HOXC4: variants seen among roughly 807,000 people sequenced by gnomAD.
HOXC4 encodes the protein homeobox C4.
In HOXC4, 15 loss-of-function variants were observed where a neutral mutation model predicts 25.5. The ratio of observed to expected loss-of-function variants is 0.59; its 90% CI spans 0.39 to 0.91. The LOEUF (loss-of-function observed/expected upper bound fraction) is 0.91. HOXC4 is among the 40% of genes least tolerant of loss of function. The pLI is 0.00. For synonymous variants in HOXC4, 165 were observed against 148.0 expected (o/e 1.11, Z -0.83); for missense variants, 342 against 352.4 (o/e 0.97, Z 0.24).
At chr12:54,054,591 A>G (rs1385195252) in intron 1 of HOXC4, among the ~76,000 whole-genome samples, 1 of 152,042 alleles carries the variant, frequency 6.6e-6, no homozygotes, top group Non-Finnish European at 1.5e-5. Context: ...ATGTGCTACG[A>G]TCTGTTATGT....
At chr12:54,028,488 A>T (rs1940831720) in intron 1 of HOXC4, 1 of 1,592,020 alleles carries the variant, frequency 6.3e-7, no homozygotes, top group Non-Finnish European at 8.6e-7. Context: ...TAAATATTAA[A>T]GAAATCATAG....
chr12:54,034,211 G>A, intron 1 of HOXC4: 1 of 1,421,668 alleles, frequency 7.0e-7, no homozygotes. Context: ...CCTGGGCTGG[G>A]GTGGGGACGG....
chr12:54,025,608 C>T (rs556568965), intron 1 of HOXC4, among the ~76,000 whole-genome samples: 1 of 151,762 alleles, frequency 6.6e-6, no homozygotes, highest in Admixed American at 6.6e-5. Flanking sequence ...TCTGTTTCCC[C>T]TTCTCTCCCC....
intron 1 of HOXC4, among the ~76,000 whole-genome samples, chr12:54,026,536 T>C (rs1007465723): frequency 1.3e-5 from 2 of 152,254 alleles, no homozygotes; most frequent in Admixed American, 6.5e-5. Context: ...AAGTGTGATC[T>C]AGAAGGAGGA....
rs774785527 is a variant in HOXC4 at position 54,054,002 on chromosome 12, G to T, written c.80G>T (p.Ser27Ile). ...FPPCEEYSQNSYIPEHSPEYY... is the reference protein window; with the variant it reads ...FPPCEEYSQNIYIPEHSPEYY... Reference sequence around the variant, plus strand: ...CCATGCGAAGAATATTCGCAAAATAGCTACATCCCTGAACACAGTCCGGAA... The same window carrying T: ...CCATGCGAAGAATATTCGCAAAATATCTACATCCCTGAACACAGTCCGGAA... Residue 27 changes from serine (S) to isoleucine (I), a missense_variant, in exon 1 of 2, where the codon AGC (serine) becomes ATC (isoleucine). By Grantham distance (142) the Ser-to-Ile change is moderately radical. Coordinates refer to ENST00000430889, the MANE Select transcript of HOXC4 (RefSeq NM_153633.3). The T allele has an allele frequency of 6.2e-7, 1 of 1,614,148 alleles. No homozygotes were observed. Among genetic ancestry groups the T allele is most frequent in the Admixed American group, 1.7e-5 (1 of 60,020 alleles).
chr12:54,029,980 A>AC, intron 1 of HOXC4: 1 of 1,512,100 alleles, frequency 6.6e-7, no homozygotes, highest in Non-Finnish European at 8.9e-7. Flanking sequence ...TGTCCCTGCC[A>AC]CCCCTCTCTC....
intron 1 of HOXC4, among the ~76,000 whole-genome samples, chr12:54,048,255 A>G (rs1031377322): frequency 1.3e-5 from 2 of 152,014 alleles, no homozygotes; most frequent in African/African-American, 4.8e-5. Flanking sequence ...TAATCATGGT[A>G]ATGATCTGGT....
At chr12:54,029,051 G>A (rs1940862886) in intron 1 of HOXC4, 7 of 895,632 alleles carry the variant, frequency 7.8e-6, no homozygotes, top group Non-Finnish European at 1.2e-5. Flanking sequence ...TCCTCACCGA[G>A]ACAGGGCCCC....
At chr12:54,037,649 G>A (rs1414834778) in intron 1 of HOXC4, among the ~76,000 whole-genome samples, 1 of 152,280 alleles carries the variant, frequency 6.6e-6, no homozygotes, top group East Asian at 1.9e-4. Context: ...AGGGGGATGT[G>A]GGGGTGGGGC....
upstream of HOXC4, among the ~76,000 whole-genome samples, chr12:54,049,544 CT>C (rs11418872): frequency 7.4e-4 from 109 of 146,914 alleles, no homozygotes; most frequent in African/African-American, 9.0e-4. Flanking sequence ...TCCATGATTG[CT>C]TTTTTTTTTT....
At chr12:54,034,417 G>C (rs1461944280) in intron 1 of HOXC4, 1 of 1,614,208 alleles carries the variant, frequency 6.2e-7, no homozygotes, top group Non-Finnish European at 8.5e-7. Context: ...ATGAGAGACA[G>C]ATCAAGATCT....
chr12:54,022,323 T>C (rs1194748249), intron 1 of HOXC4: 1 of 152,194 alleles, frequency 6.6e-6, no homozygotes, highest in African/African-American at 2.4e-5. Context: ...AAAATTGCAG[T>C]GAATTTAAGC....
At chr12:54,025,205 C>A (rs1265165257) in intron 1 of HOXC4, among the ~76,000 whole-genome samples, 1 of 152,192 alleles carries the variant, frequency 6.6e-6, no homozygotes, top group African/African-American at 2.4e-5. Flanking sequence ...CAGAGCACAA[C>A]TGCAGTTTTA....
chr12:54,034,779 G>A (rs1941138414), intron 1 of HOXC4: 1 of 428,968 alleles, frequency 2.3e-6, no homozygotes, highest in East Asian at 4.7e-5. Context: ...CGGCGTACAG[G>A]CTGGCGCAGA....
chr12:54,043,880 T>C (rs548594614), intron 1 of HOXC4, among the ~76,000 whole-genome samples: 1 of 151,794 alleles, frequency 6.6e-6, no homozygotes, highest in South Asian at 2.1e-4. Flanking sequence ...TAGTAAATAC[T>C]TCTTTTAAAA....
chr12:54,053,911 C>T lies in HOXC4; in HGVS notation c.-12C>T. The T allele has an allele frequency of 1.9e-6, 3 of 1,589,736 alleles. No homozygotes were observed. Among genetic ancestry groups the T allele is most frequent in the African/African-American group, 1.3e-5 (1 of 74,408 alleles). ...ACAAAGCGAGAAAAATTATTTTCCACTCCAGAAATTAATGATCATGAGCTC... is the reference window on the plus strand; with the variant it reads ...ACAAAGCGAGAAAAATTATTTTCCATTCCAGAAATTAATGATCATGAGCTC... On this transcript the variant is annotated 5_prime_UTR_variant, in exon 1 of 2. Transcript: ENST00000430889.
Position 54,025,539 on chromosome 12 carries a change from A to C in HOXC4, c.-124+8125A>C, listed in dbSNP as rs7966202. On this transcript the variant is annotated intron_variant, in intron 1 of 3. Transcript: ENST00000303406. ...AATGAAAGGTAATTGGGGGGGGGGG[A>C]GGTGTTGAAAATTAATTTTGCCAAA... Among the ~76,000 whole-genome samples the C allele has an allele frequency of 5.5e-4, 13 of 23,734 alleles. No homozygotes were observed. The East Asian group carries it at 6.1e-3, about 11-fold the overall frequency. The allele number at this position is 23,734 out of a possible 152,430, so 15.6% of individuals were successfully genotyped here.
intron 1 of HOXC4, among the ~76,000 whole-genome samples, chr12:54,025,494 G>A (rs1310037679): frequency 7.0e-6 from 1 of 143,672 alleles, no homozygotes; most frequent in Admixed American, 6.9e-5. Context: ...AGAAAGAAGA[G>A]GGCTTCTTCT....
intron 1 of HOXC4, chr12:54,028,596 C>G: frequency 6.2e-7 from 1 of 1,614,102 alleles, no homozygotes; most frequent in African/African-American, 1.3e-5. Context: ...CCAACGTCGC[C>G]CTCAATTCCA....
Sources: gnomAD v4.1 joint callset for allele counts (sites outside exome capture counted in the v4.1 genomes callset) on GRCh38, gnomAD v4.1.1 for gene constraint, MANE v1.5 for transcripts, NCBI Gene and HGNC (gene_info 2026-07-23, HGNC 2026-07-21) for gene names.